ADAMTS17: variants seen among roughly 807,000 people sequenced by gnomAD.
The protein encoded by ADAMTS17 is A disintegrin and metalloproteinase with thrombospondin motifs 17.
A neutral mutation model predicts 141.5 loss-of-function variants in ADAMTS17; 113 were observed. That is an observed-to-expected ratio of 0.80 (90% CI 0.69 to 0.93). ADAMTS17 has a LOEUF of 0.93. Among genes scored for constraint, ADAMTS17 ranks in the 40% least tolerant of loss-of-function variants. The pLI is 0.00. For synonymous variants in ADAMTS17, 768 were observed against 630.6 expected, an observed-to-expected ratio of 1.22 and a Z score of -3.27; for missense variants, 1,659 against 1,517.9, an observed-to-expected ratio of 1.09 and a Z score of -1.54.
intron 8 of ADAMTS17, among the ~76,000 whole-genome samples, chr15:100,166,358 T>C (rs2039951759): frequency 6.6e-6 from 1 of 151,960 alleles, no homozygotes; most frequent in African/African-American, 2.4e-5. Flanking sequence ...CTCATTTTGC[T>C]TCATCCTTTT....
chr15:100,267,083 T>A lies in ADAMTS17; in HGVS notation c.790-4648A>T, dbSNP rs747415733. On this transcript the variant is annotated intron_variant, in intron 4 of 21. Transcript: ENST00000268070. ...GTAGTGTTAATTACGTTCACGTTAT[T>A]GTACAATTAACCTCCAGGACTCTTT... 1.3e-5 allele frequency among the ~76,000 whole-genome samples: 2 copies of A among 152,152 alleles called. 1 individual carries two copies. The highest frequency in any genetic ancestry group is 4.1e-4 in the South Asian group (2 of 4,824).
intron 15 of ADAMTS17, among the ~76,000 whole-genome samples, chr15:100,079,875 T>C (rs1399953929): frequency 2.6e-5 from 4 of 152,142 alleles, no homozygotes; most frequent in Non-Finnish European, 4.4e-5. Context: ...GGGCTTATGC[T>C]CATGGAATTC....
intron 4 of ADAMTS17, among the ~76,000 whole-genome samples, chr15:100,280,892 T>A (rs1176656695): frequency 6.6e-6 from 1 of 152,208 alleles, no homozygotes; most frequent in Non-Finnish European, 1.5e-5. Flanking sequence ...GACTATGGAC[T>A]CCTTGGAGCA....
At chr15:100,290,710 C>T (rs72757222) in intron 3 of ADAMTS17, among the ~76,000 whole-genome samples, 10,619 of 152,180 alleles carry the variant, frequency 0.07, 437 homozygotes, top group African/African-American at 0.11. Context: ...TGCACACCTA[C>T]AACTACCTGA....
chr15:100,148,617 T>A (rs7164884), intron 10 of ADAMTS17, among the ~76,000 whole-genome samples: 1 of 152,158 alleles, frequency 6.6e-6, no homozygotes, highest in Non-Finnish European at 1.5e-5. Context: ...TTTATCTGTA[T>A]ATAACTTATC....
chr15:100,292,310 C>CTACGAGAGACACTCAGCCCGTGTGGAAT (rs1567497439), intron 3 of ADAMTS17, among the ~76,000 whole-genome samples: 3 of 141,892 alleles, frequency 2.1e-5, no homozygotes, highest in Admixed American at 7.0e-5. Flanking sequence ...CCGTGTGAAA[C>CTACGAGAGACACTCAGCCCGTGTGGAAT]TACGAGAGAC....
chr15:100,263,036 G>A lies in ADAMTS17; in HGVS notation c.790-601C>T, dbSNP rs74363991. Among the ~76,000 whole-genome samples, 682 of 152,306 alleles carry A rather than the reference G, an allele frequency of 4.5e-3. 5 individuals are homozygous for A. The highest frequency in any genetic ancestry group is 0.015 in the African/African-American group (622 of 41,570). On this transcript the variant is annotated intron_variant, in intron 4 of 21. Coordinates refer to ENST00000268070, the MANE Select transcript of ADAMTS17 (RefSeq NM_139057.4). The stretch of plus-strand genomic sequence containing the variant: ...CATATACAGTATGCTTATGTATATA[G>A]ATAAAGCTAAGCTGGAAATAGTTGG...
intron 14 of ADAMTS17, among the ~76,000 whole-genome samples, 185 bp downstream of exon 14, chr15:100,108,804 C>T (rs1333826621): frequency 3.3e-5 from 5 of 152,202 alleles, no homozygotes; most frequent in Non-Finnish European, 5.9e-5. Context: ...AGCACTCAGT[C>T]ATTACTGAGC....
At position 100,109,231 on chromosome 15, in the gene ADAMTS17, G is replaced by A. The variant is rs2036593557; in HGVS notation, c.1889-115C>T. The A allele has an allele frequency of 2.8e-6, 3 of 1,085,790 alleles. No individual in the cohort carries two copies. In the South Asian group the frequency reaches 4.3e-5, roughly 16 times the overall value. The allele number at this position is 1,085,790 out of a possible 1,614,324, so 67.3% of individuals were successfully genotyped here. Reference sequence around the variant, plus strand: ...GAGGAAGAGAGGTCCGCACAGGTCAGTAAAGGTGCATGAGCTCAGGTACGC... The same window carrying A: ...GAGGAAGAGAGGTCCGCACAGGTCAATAAAGGTGCATGAGCTCAGGTACGC... On this transcript the variant is annotated intron_variant, in intron 13 of 21. Transcript: ENST00000268070.
At chr15:100,149,353 G>T (rs1038388410) in intron 10 of ADAMTS17, among the ~76,000 whole-genome samples, 2 of 152,214 alleles carry the variant, frequency 1.3e-5, no homozygotes, top group Non-Finnish European at 2.9e-5. Context: ...CAAATAATCA[G>T]TATGTCAGTA....
intron 18 of ADAMTS17, among the ~76,000 whole-genome samples, chr15:100,020,968 C>G (rs935553328): frequency 6.6e-6 from 1 of 152,158 alleles, no homozygotes; most frequent in Non-Finnish European, 1.5e-5. Context: ...TCGCTGTTCT[C>G]CCCTCCACTT....
At chr15:100,268,197 C>T (rs1460449852) in intron 4 of ADAMTS17, among the ~76,000 whole-genome samples, 1 of 152,070 alleles carries the variant, frequency 6.6e-6, no homozygotes, top group African/African-American at 2.4e-5. Flanking sequence ...ATCTAGTTTA[C>T]CACTGATGGG....
intron 14 of ADAMTS17, among the ~76,000 whole-genome samples, chr15:100,103,567 A>G (rs927350172): frequency 4.6e-5 from 6 of 129,370 alleles, no homozygotes; most frequent in African/African-American, 1.7e-4. Context: ...CCATCCATCC[A>G]GCCACTCTTT....
At chr15:100,138,841 G>A (rs982712220) in intron 10 of ADAMTS17, among the ~76,000 whole-genome samples, 7 of 152,184 alleles carry the variant, frequency 4.6e-5, no homozygotes, top group African/African-American at 1.2e-4. Flanking sequence ...TTACACCCTC[G>A]TGTGACCCCC....
At chr15:100,241,969 C>G (rs1383941437) in intron 7 of ADAMTS17, among the ~76,000 whole-genome samples, 1 of 152,184 alleles carries the variant, frequency 6.6e-6, no homozygotes, top group Non-Finnish European at 1.5e-5. Context: ...AACCTTCCTT[C>G]CCGTTCCTGA....
rs1174914712 is a variant in ADAMTS17, at chr15:100,341,970, C to G, written c.-71G>C. ...GAGCGCGCTAGGCGGCGGCGCCAGC[C>G]GGAGTGAAGCCCTCCAGCCTTTGGA... is the stretch of plus-strand genomic sequence containing the variant. On this transcript the variant is annotated 5_prime_UTR_variant, in exon 1 of 22. Transcript: ENST00000268070. 9 of 1,517,658 alleles carry G rather than the reference C, an allele frequency of 5.9e-6. No individual in the cohort carries two copies. The highest frequency in any genetic ancestry group is 7.1e-6 in the Non-Finnish European group (8 of 1,121,356). 94.0% of individuals were successfully genotyped at this position (1,517,658 alleles called of 1,614,324 possible).
At chr15:100,110,500 G>A (rs915219531) in intron 13 of ADAMTS17, among the ~76,000 whole-genome samples, 5 of 151,834 alleles carry the variant, frequency 3.3e-5, no homozygotes, top group African/African-American at 4.8e-5. Flanking sequence ...TCCTGACCTC[G>A]TGACTTGCCT....
chr15:100,229,137 C>T (rs1287455552), intron 7 of ADAMTS17, among the ~76,000 whole-genome samples: 1 of 152,098 alleles, frequency 6.6e-6, no homozygotes, highest in African/African-American at 2.4e-5. Flanking sequence ...TCCCTGAAGA[C>T]CCCAACAGAG....
chr15:100,155,187 A>G lies in ADAMTS17; in HGVS notation c.1315T>C (p.Phe439Leu), dbSNP rs1482137692. 6.2e-7 allele frequency: 1 copy of G among 1,614,222 alleles called. No homozygotes were observed. ...SSCSRDDLEN[F>L]LKSKVSTCLL... ...AATAATTCCAGGACTTACTTGAGGAAGTTTTCAAGGTCATCTCGGCTGCAG... is the reference window on the plus strand; with the variant it reads ...AATAATTCCAGGACTTACTTGAGGAGGTTTTCAAGGTCATCTCGGCTGCAG... The change falls in exon 9 of 22, where the codon TTC (phenylalanine) becomes CTC (leucine). Residue 439 changes from phenylalanine (F) to leucine (L), a missense_variant. By Grantham distance (22) the Phe-to-Leu change is conservative. Coordinates refer to ENST00000268070, the MANE Select transcript of ADAMTS17 (RefSeq NM_139057.4).
Sources: gnomAD v4.1 joint callset for allele counts (sites outside exome capture counted in the v4.1 genomes callset) on GRCh38, gnomAD v4.1.1 for gene constraint, MANE v1.5 for transcripts, NCBI Gene and HGNC (gene_info 2026-07-23, HGNC 2026-07-21) for gene names.